GALNT17: variants seen among roughly 807,000 people sequenced by gnomAD.
The protein encoded by GALNT17 is polypeptide N-acetylgalactosaminyltransferase 17, also known as UDP-GalNAc:polypeptide N-acetylgalactosaminyltransferase-like 3.
GALNT17 carries 29 observed loss-of-function variants against 63.7 expected under a neutral mutation model. The observed-to-expected ratio is 0.46, with a 90% CI of 0.34 to 0.62. The LOEUF (loss-of-function observed/expected upper bound fraction) is 0.62, where lower values mean the gene tolerates loss of function less well. GALNT17 is among the 20% of genes least tolerant of loss of function. The pLI is 0.01. For synonymous variants in GALNT17, 305 were observed against 318.3 expected, an observed-to-expected ratio of 0.96 and a Z score of 0.45; for missense variants, 603 against 799.6, an observed-to-expected ratio of 0.75 and a Z score of 2.97.
intron 5 of GALNT17, among the ~76,000 whole-genome samples, chr7:71,502,388 A>G (rs374239814): frequency 6.6e-5 from 10 of 152,198 alleles, no homozygotes; most frequent in African/African-American, 2.4e-4. Context: ...AATATGGTGG[A>G]ATGAGGTGGT....
intron 2 of GALNT17, among the ~76,000 whole-genome samples, chr7:71,344,718 A>G (rs1250122221): frequency 6.6e-6 from 1 of 152,132 alleles, no homozygotes; most frequent in African/African-American, 2.4e-5. Context: ...GGGTGTTTTT[A>G]ATAATACAGC....
intron 1 of GALNT17, among the ~76,000 whole-genome samples, chr7:71,148,819 G>C (rs954128761): frequency 2.8e-5 from 4 of 141,016 alleles, no homozygotes; most frequent in Non-Finnish European, 6.0e-5. Flanking sequence ...ATAGTTGAAG[G>C]CATCTTAGAT....
At chr7:71,590,089 T>C (rs931597281) in intron 6 of GALNT17, among the ~76,000 whole-genome samples, 1 of 152,220 alleles carries the variant, frequency 6.6e-6, no homozygotes, top group Non-Finnish European at 1.5e-5. Context: ...TGTAGTTATG[T>C]AATAAACAAA....
At chr7:71,540,231 C>T (rs1305186209) in intron 5 of GALNT17, among the ~76,000 whole-genome samples, 1 of 149,726 alleles carries the variant, frequency 6.7e-6, no homozygotes, top group East Asian at 2.0e-4. Context: ...ACTCTCCCAT[C>T]TCAGCCTCCT....
At chr7:71,425,565 C>T (rs946888682) in intron 5 of GALNT17, among the ~76,000 whole-genome samples, 1 of 152,128 alleles carries the variant, frequency 6.6e-6, no homozygotes, top group African/African-American at 2.4e-5. Context: ...TTTGTGAAAT[C>T]TCCTGCCTTC....
chr7:71,604,606 G>T (rs1562707576), intron 6 of GALNT17, among the ~76,000 whole-genome samples: 1 of 152,164 alleles, frequency 6.6e-6, no homozygotes, highest in East Asian at 1.9e-4. Flanking sequence ...GACCCAGCAG[G>T]TTCAATTAAC....
At chr7:71,216,360 T>C (rs1314553459) in intron 1 of GALNT17, among the ~76,000 whole-genome samples, 1 of 152,152 alleles carries the variant, frequency 6.6e-6, no homozygotes, top group Admixed American at 6.6e-5. Context: ...GAAAGTAGTT[T>C]TGATTTTGTG....
chr7:71,561,999 A>G (rs1354376061), intron 5 of GALNT17, among the ~76,000 whole-genome samples: 1 of 151,598 alleles, frequency 6.6e-6, no homozygotes, highest in Non-Finnish European at 1.5e-5. Flanking sequence ...TCTGTCACCC[A>G]GGCTGGAGTG....
At chr7:71,700,257 G>A (rs376400553) in intron 9 of GALNT17, among the ~76,000 whole-genome samples, 16 of 150,832 alleles carry the variant, frequency 1.1e-4, no homozygotes, top group Admixed American at 7.9e-4. Flanking sequence ...GCAGTGAGCC[G>A]AGATCACGCC....
intron 6 of GALNT17, among the ~76,000 whole-genome samples, chr7:71,663,029 T>C (rs541787599): frequency 6.6e-6 from 1 of 152,248 alleles, no homozygotes; most frequent in African/African-American, 2.4e-5. Flanking sequence ...AGAGTTTATT[T>C]CTGGACTTTC....
intron 5 of GALNT17, among the ~76,000 whole-genome samples, chr7:71,523,744 AAAATAAATAAATAAATAAATAAAT>A (rs55683413): frequency 7.3e-6 from 1 of 137,550 alleles, no homozygotes; most frequent in East Asian, 2.1e-4. Flanking sequence ...CCTGTCTCAA[AAAATAAATAAATAAATAAATAAAT>A]AAATAAATAA....
chr7:71,213,208 G>A (rs556130446), intron 1 of GALNT17, among the ~76,000 whole-genome samples: 3 of 152,110 alleles, frequency 2.0e-5, no homozygotes, highest in East Asian at 1.9e-4. Flanking sequence ...AATATCTCAC[G>A]AGATCTTACG....
intron 2 of GALNT17, among the ~76,000 whole-genome samples, chr7:71,375,890 C>G (rs866889029): frequency 1.1e-4 from 17 of 152,260 alleles, no homozygotes; most frequent in South Asian, 2.1e-4. Context: ...CCAGCCTGAA[C>G]AACATGGTAA....
At chr7:71,156,742 G>C (rs1788244386) in intron 1 of GALNT17, among the ~76,000 whole-genome samples, 1 of 122,682 alleles carries the variant, frequency 8.2e-6, no homozygotes, top group South Asian at 2.7e-4. Context: ...CTTTCCTCTT[G>C]CTCTGTTGCC....
chr7:71,168,296 G>A (rs554882614), intron 1 of GALNT17, among the ~76,000 whole-genome samples: 25 of 152,210 alleles, frequency 1.6e-4, no homozygotes, highest in East Asian at 7.8e-4. Context: ...TATTTGGGCC[G>A]GGCGCGGTGG....
chr7:71,245,037 A>G (rs1790068487), intron 1 of GALNT17, among the ~76,000 whole-genome samples: 1 of 152,126 alleles, frequency 6.6e-6, no homozygotes, highest in African/African-American at 2.4e-5. Context: ...AAAAGCAATT[A>G]ATCGATGTCA....
chr7:71,256,595 A>AAAACCAG (rs1790294540), intron 1 of GALNT17, among the ~76,000 whole-genome samples: 2 of 152,034 alleles, frequency 1.3e-5, no homozygotes. Flanking sequence ...CCAAAAACCA[A>AAAACCAG]AAACAAAAAA....
chr7:71,637,660 G>T (rs1790547008), intron 6 of GALNT17, among the ~76,000 whole-genome samples: 1 of 152,062 alleles, frequency 6.6e-6, no homozygotes, highest in South Asian at 2.1e-4. Context: ...GGAGGGTGAG[G>T]GTCAGTCGAG....
At chr7:71,214,492 C>A (rs1789438636) in intron 1 of GALNT17, among the ~76,000 whole-genome samples, 1 of 152,112 alleles carries the variant, frequency 6.6e-6, no homozygotes, top group Non-Finnish European at 1.5e-5. Flanking sequence ...ATGTCATGAG[C>A]CCCTTTCATC....
Sources: allele counts gnomAD v4.1 joint callset (sites outside exome capture counted in the v4.1 genomes callset), GRCh38; gene constraint gnomAD v4.1.1; transcripts MANE v1.5; gene names NCBI Gene and HGNC (gene_info 2026-07-23, HGNC 2026-07-21).